The following XRCC5 variants were observed in gnomAD, a reference collection of about 807,000 sequenced individuals.
XRCC5 encodes X-ray repair cross complementing 5.
Under a neutral mutation model 95.7 loss-of-function variants are expected in XRCC5, and 12 were observed. The observed-to-expected ratio is 0.13, with a 90% CI of 0.08 to 0.20. The LOEUF is 0.20. Among genes scored for constraint, XRCC5 ranks in the 10% least tolerant of loss-of-function variants. The pLI is 1.00. For missense variants in XRCC5, 595 were observed against 873.9 expected (o/e 0.68, Z 4.02); for synonymous variants, 281 against 290.3 (o/e 0.97, Z 0.33).
At chr2:216,158,034 G>A (rs1262302921) in intron 14 of XRCC5, among the ~76,000 whole-genome samples, 1 of 152,148 alleles carries the variant, frequency 6.6e-6, no homozygotes, top group Non-Finnish European at 1.5e-5. Flanking sequence ...GCATATGACT[G>A]GGGCTACTTT....
chr2:216,130,088 G>A (rs1696970335), intron 8 of XRCC5, among the ~76,000 whole-genome samples: 1 of 152,000 alleles, frequency 6.6e-6, no homozygotes, highest in Non-Finnish European at 1.5e-5. Context: ...TGTGTCTTGG[G>A]GTAAAGATGC....
intron 1 of XRCC5, among the ~76,000 whole-genome samples, chr2:216,111,962 A>T (rs1696597719): frequency 6.6e-6 from 1 of 152,196 alleles, no homozygotes; most frequent in South Asian, 2.1e-4. Flanking sequence ...TCTTGAATTC[A>T]CTACACTGTT....
chr2:216,130,570 A>G (rs1559241393), intron 8 of XRCC5: 1 of 217,712 alleles, frequency 4.6e-6, no homozygotes, highest in Non-Finnish European at 8.9e-6. Flanking sequence ...GATAACTAGT[A>G]CGTTAACATT....
At chr2:216,167,611 T>TGA (rs1270841120) in intron 16 of XRCC5, among the ~76,000 whole-genome samples, 1 of 143,540 alleles carries the variant, frequency 7.0e-6, no homozygotes, top group Admixed American at 6.9e-5. Context: ...TGTGTGTGTG[T>TGA]GTGATTTTTT....
chr2:216,170,037 C>CAAAAAAAAAAAAAAAAA (rs71047982), intron 16 of XRCC5, among the ~76,000 whole-genome samples: 1 of 53,604 alleles, frequency 1.9e-5, no homozygotes, highest in Non-Finnish European at 3.6e-5. Flanking sequence ...GACTGTGTCT[C>CAAAAAAAAAAAAAAAAA]AAAAAAAAAA....
chr2:216,187,070 A>T (rs1290422774), intron 16 of XRCC5, among the ~76,000 whole-genome samples: 1 of 152,200 alleles, frequency 6.6e-6, no homozygotes, highest in Non-Finnish European at 1.5e-5. Context: ...CCACAAAAGT[A>T]GTCTGGGTAG....
intron 19 of XRCC5, among the ~76,000 whole-genome samples, chr2:216,197,645 A>G (rs41296783): frequency 6.6e-6 from 1 of 152,260 alleles, no homozygotes; most frequent in Non-Finnish European, 1.5e-5. Flanking sequence ...ACTACCAGCA[A>G]AACTGAACTT....
chr2:216,150,127 A>C, intron 14 of XRCC5, among the ~76,000 whole-genome samples: 1 of 152,194 alleles, frequency 6.6e-6, no homozygotes, highest in East Asian at 1.9e-4. Context: ...AAAAATTGCC[A>C]ACAATTCGCA....
intron 9 of XRCC5, among the ~76,000 whole-genome samples, chr2:216,131,713 C>T (rs1161191030): frequency 6.6e-6 from 1 of 152,160 alleles, no homozygotes; most frequent in Non-Finnish European, 1.5e-5. Flanking sequence ...AAATGCAAAC[C>T]ACTTAGCTTT....
chr2:216,189,811 T>G (rs2241321), intron 16 of XRCC5, among the ~76,000 whole-genome samples: 28,227 of 152,114 alleles, frequency 0.19, 3,498 homozygotes, highest in African/African-American at 0.36. Context: ...CTGAGTAGAA[T>G]TAGGGGAGGG....
At chr2:216,194,223 AT>A (rs1249082509) in intron 18 of XRCC5, among the ~76,000 whole-genome samples, 1 of 152,072 alleles carries the variant, frequency 6.6e-6, no homozygotes, top group South Asian at 2.1e-4. Context: ...TAATGAAACC[AT>A]TTTTTTCTCA....
intron 18 of XRCC5, among the ~76,000 whole-genome samples, chr2:216,193,021 G>A (rs1235570547): frequency 1.3e-5 from 2 of 152,146 alleles, no homozygotes; most frequent in Non-Finnish European, 2.9e-5. Context: ...CTTTCTGTTT[G>A]TTGAATGGAG....
At chr2:216,118,491 GTATT>G (rs1696742936) in intron 4 of XRCC5, among the ~76,000 whole-genome samples, 1 of 152,100 alleles carries the variant, frequency 6.6e-6, no homozygotes, top group African/African-American at 2.4e-5. Context: ...TCCTAATTCA[GTATT>G]TATTTAATTA....
intron 16 of XRCC5, among the ~76,000 whole-genome samples, chr2:216,179,017 A>G (rs371977209): frequency 3.9e-5 from 6 of 152,340 alleles, no homozygotes; most frequent in African/African-American, 1.2e-4. Context: ...GGTGATAAGC[A>G]TTTGTGTTAG....
intron 5 of XRCC5, among the ~76,000 whole-genome samples, chr2:216,120,988 G>A (rs539973809): frequency 4.6e-5 from 7 of 152,222 alleles, no homozygotes; most frequent in African/African-American, 1.2e-4. Context: ...CACCTGCCTC[G>A]CCCTCCCAAA....
At chr2:216,200,246 AG>A (rs1689811248) in intron 19 of XRCC5, among the ~76,000 whole-genome samples, 1 of 152,186 alleles carries the variant, frequency 6.6e-6, no homozygotes, top group South Asian at 2.1e-4. Flanking sequence ...CCCTTTTTCA[AG>A]AGTACATCTG....
intron 14 of XRCC5, among the ~76,000 whole-genome samples, chr2:216,154,794 A>G (rs757661991): frequency 8.5e-5 from 13 of 152,184 alleles, no homozygotes; most frequent in Non-Finnish European, 1.6e-4. Context: ...TGGACCCCCA[A>G]TTAAAAAACG....
intron 16 of XRCC5, among the ~76,000 whole-genome samples, chr2:216,176,773 C>T (rs546350505): frequency 6.6e-6 from 1 of 152,064 alleles, no homozygotes; most frequent in Non-Finnish European, 1.5e-5. Flanking sequence ...TTTTCATTTT[C>T]TTGTTTCTTA....
intron 14 of XRCC5, chr2:216,156,314 A>G: frequency 4.8e-6 from 3 of 627,704 alleles, no homozygotes; most frequent in South Asian, 2.8e-5. Flanking sequence ...AGCAGAAGCA[A>G]TATGATGCTG....
Sources: gnomAD v4.1 joint callset for allele counts (sites outside exome capture counted in the v4.1 genomes callset) on GRCh38, gnomAD v4.1.1 for gene constraint, MANE v1.5 for transcripts, NCBI Gene and HGNC (gene_info 2026-07-23, HGNC 2026-07-21) for gene names.